Variants in NUCB2 observed in about 807,000 individuals in gnomAD.
NUCB2 encodes nucleobindin-2.
In NUCB2, 48 loss-of-function variants were observed where a neutral mutation model predicts 57.9. That is an observed-to-expected ratio of 0.83 (90% CI 0.66 to 1.05). The LOEUF (loss-of-function observed/expected upper bound fraction) is 1.05, where lower values mean the gene tolerates loss of function less well. Among genes scored for constraint, NUCB2 ranks in the 50% least tolerant of loss-of-function variants. The pLI, the probability that NUCB2 is intolerant of heterozygous loss-of-function variation, is 0.00. For synonymous variants in NUCB2, 139 were observed against 152.1 expected (o/e 0.91, Z 0.64); for missense variants, 442 against 476.2 (o/e 0.93, Z 0.67).
Position 17,276,813 on chromosome 11 carries a change from G to C in NUCB2, c.-171G>C, listed in dbSNP as rs1379334494. On this transcript the variant is annotated 5_prime_UTR_variant, in exon 1 of 14. Coordinates refer to ENST00000529010, the MANE Select transcript of NUCB2 (RefSeq NM_005013.4). ...GCAAGCACCAGGCGCAGCCTCGCTC[G>C]CCGAGACCCGGCCAGGTAAGGCCGG... 6.6e-6 allele frequency: 1 copy of C among 152,372 alleles called. No individual in the cohort carries two copies. The highest frequency in any genetic ancestry group is 1.5e-5 in the Non-Finnish European group (1 of 68,162). 9.4% of individuals were successfully genotyped at this position (152,372 alleles called of 1,614,324 possible). A position where few individuals can be genotyped will look rare whatever the true frequency, so the allele number is the denominator to read the frequency against.
rs763892851 is a variant in NUCB2 at position 17,315,385 on chromosome 11, G to C, written c.913-1G>C. The C allele has an allele frequency of 1.9e-6, 3 of 1,579,460 alleles. No individual in the cohort carries two copies. The highest frequency in any genetic ancestry group is 1.7e-5 in the Admixed American group (1 of 58,896). On this transcript the variant is annotated splice_acceptor_variant, in intron 10 of 13. Transcript: ENST00000529010. LOFTEE classifies it high-confidence loss of function. The stretch of plus-strand genomic sequence containing the variant: ...TTATGTATACATTTTGTTTTAATCA[G>C]GTTGATACTAACAAAGACAGATTGG...
chr11:17,348,319 GTTTTTTTT>G (rs55741571), intron 2 of NUCB2, among the ~76,000 whole-genome samples: 1 of 84,448 alleles, frequency 1.2e-5, no homozygotes, highest in East Asian at 3.4e-4. Flanking sequence ...TTGTTTTTGT[GTTTTTTTT>G]TTTTTTTTTT....
intron 2 of NUCB2, among the ~76,000 whole-genome samples, chr11:17,293,556 A>G (rs994083950): frequency 1.3e-5 from 2 of 152,216 alleles, no homozygotes; most frequent in African/African-American, 4.8e-5. Flanking sequence ...ATATAACCAA[A>G]AGAATTGAAA....
chr11:17,342,940 G>A (rs1401183709), intron 2 of NUCB2, among the ~76,000 whole-genome samples: 1 of 152,072 alleles, frequency 6.6e-6, no homozygotes, highest in African/African-American at 2.4e-5. Context: ...ATTATTGTGT[G>A]GGAGTCTAAG....
intron 10 of NUCB2, among the ~76,000 whole-genome samples, chr11:17,313,138 G>A (rs1187320554): frequency 6.6e-6 from 1 of 151,822 alleles, no homozygotes; most frequent in Non-Finnish European, 1.5e-5. Flanking sequence ...TTTTGATCCA[G>A]ATTATTATAC....
chr11:17,283,537 A>G (rs909504212), intron 2 of NUCB2: 1 of 152,248 alleles, frequency 6.6e-6, no homozygotes, highest in African/African-American at 2.4e-5. Context: ...AAGTCTGACT[A>G]TTAACTACAG....
chr11:17,328,991 C>T (rs1020883405), intron 11 of NUCB2, among the ~76,000 whole-genome samples: 14 of 152,156 alleles, frequency 9.2e-5, no homozygotes, highest in Admixed American at 9.2e-4. Context: ...GGCCCAGGGG[C>T]TCTTTACTTA....
At chr11:17,348,013 GT>G (rs1952883892) in intron 2 of NUCB2, among the ~76,000 whole-genome samples, 1 of 152,118 alleles carries the variant, frequency 6.6e-6, no homozygotes, top group Admixed American at 6.5e-5. Context: ...GGATTTTTAT[GT>G]CTTTTTATTT....
rs561332868 is a variant in NUCB2 at position 17,306,328 on chromosome 11, T to C, written c.380-3244T>C. Among the ~76,000 whole-genome samples the C allele has an allele frequency of 2.6e-4, 39 of 152,360 alleles. No individual in the cohort carries two copies. In the East Asian group the frequency reaches 6.7e-3, roughly 26 times the overall value. On this transcript the variant is annotated intron_variant, in intron 5 of 13. Coordinates refer to ENST00000529010, the MANE Select transcript of NUCB2 (RefSeq NM_005013.4). Reference sequence around the variant, plus strand: ...AAATCTTGTTAGAAATGTAGATTACTAGATCTCACCTCCAGAGATTCTGAC... The same window carrying C: ...AAATCTTGTTAGAAATGTAGATTACCAGATCTCACCTCCAGAGATTCTGAC...
Position 17,312,108 on chromosome 11 carries a change from T to TGCA in NUCB2, c.901_902insCAG (p.His300_Val301insAla). Reference sequence around the variant, plus strand: ...AAGAAAGGCTTAGAATGAGGGAACATGTAATGAATGAGGTATGTTTTAAAA... The same window carrying TGCA: ...AAGAAAGGCTTAGAATGAGGGAACATGCAGTAATGAATGAGGTATGTTTTAAAA... On this transcript the variant is annotated inframe_insertion, in exon 10 of 14. Transcript: ENST00000529010. 6.8e-7 allele frequency: 1 copy of TGCA among 1,462,188 alleles called. No individual in the cohort carries two copies. The highest frequency in any genetic ancestry group is 1.2e-5 in the South Asian group (1 of 82,824). 90.6% of individuals were successfully genotyped at this position (1,462,188 alleles called of 1,614,324 possible). A position where few individuals can be genotyped will look rare whatever the true frequency, so the allele number is the denominator to read the frequency against.
intron 5 of NUCB2, among the ~76,000 whole-genome samples, chr11:17,303,121 T>C (rs1947040793): frequency 6.6e-6 from 1 of 152,126 alleles, no homozygotes; most frequent in South Asian, 2.1e-4. Context: ...CCTCAAGTAA[T>C]CCTGAGTTGC....
intron 2 of NUCB2, among the ~76,000 whole-genome samples, chr11:17,338,912 C>T (rs899525428): frequency 3.9e-5 from 6 of 152,178 alleles, no homozygotes; most frequent in Admixed American, 6.5e-5. Flanking sequence ...GATCCACCTG[C>T]GTCGGCCTCC....
rs201386886 is a variant in NUCB2, at chr11:17,343,217, G to A, written n.2626+5683G>A. On this transcript the variant is annotated intron_variant and non_coding_transcript_variant, in intron 2 of 2. Transcript: ENST00000532240. ...TGAGCCTATGTGTGTCTCTGCACATGAGATGGGTTTCCTGAATACAGCACA... is the reference window on the plus strand; with the variant it reads ...TGAGCCTATGTGTGTCTCTGCACATAAGATGGGTTTCCTGAATACAGCACA... Among the ~76,000 whole-genome samples the A allele has an allele frequency of 2.6e-5, 4 of 152,048 alleles. No individual in the cohort carries two copies. In the East Asian group the frequency reaches 7.7e-4, roughly 29 times the overall value.
intron 2 of NUCB2, among the ~76,000 whole-genome samples, chr11:17,293,493 CA>C (rs905583072): frequency 3.3e-5 from 5 of 152,038 alleles, no homozygotes; most frequent in African/African-American, 9.7e-5. Context: ...GGCAGTTCCT[CA>C]AAAAGTTAAA....
chr11:17,327,790 C>G (rs955074844), intron 11 of NUCB2, among the ~76,000 whole-genome samples: 2 of 152,112 alleles, frequency 1.3e-5, no homozygotes, highest in African/African-American at 4.8e-5. Flanking sequence ...TTATTTTGAT[C>G]TCTTTGTTAA....
chr11:17,312,033 G>A lies in NUCB2; in HGVS notation c.825G>A (p.Glu275=). ...ELEALFTKEL[E]KVYDPKNEED... ...TTTAAAATTTTTCTTTTTAGTTGGA[G>A]AAAGTATATGACCCTAAAAATGAAG... The change falls in exon 10 of 14, where the codon GAG becomes GAA. Residue 275 remains glutamate, a synonymous_variant. Transcript: ENST00000529010. 1 of 1,573,352 alleles carries A rather than the reference G, an allele frequency of 6.4e-7. No individual in the cohort carries two copies. The highest frequency in any genetic ancestry group is 8.6e-7 in the Non-Finnish European group (1 of 1,162,678).
intron 5 of NUCB2, 79 bp from the exon 6 acceptor site, chr11:17,309,493 A>G (rs971772496): frequency 1.2e-6 from 1 of 827,836 alleles, no homozygotes; most frequent in African/African-American, 1.8e-5. Context: ...AATAAATATG[A>G]AATCTTTTTC....
chr11:17,309,180 G>A (rs1384584470), intron 5 of NUCB2, among the ~76,000 whole-genome samples: 1 of 151,954 alleles, frequency 6.6e-6, no homozygotes, highest in Admixed American at 6.6e-5. Context: ...AATTAGCCAG[G>A]CGTAGTGGTG....
chr11:17,318,843 C>T (rs912697886), intron 11 of NUCB2, among the ~76,000 whole-genome samples: 14 of 152,222 alleles, frequency 9.2e-5, no homozygotes, highest in Middle Eastern at 3.4e-3. Flanking sequence ...AAAAGACTTA[C>T]GCCATTTATA....
Sources: gnomAD v4.1 joint callset for allele counts (sites outside exome capture counted in the v4.1 genomes callset) on GRCh38, gnomAD v4.1.1 for gene constraint, MANE v1.5 for transcripts, NCBI Gene and HGNC (gene_info 2026-07-23, HGNC 2026-07-21) for gene names.